The following CACNA2D3 variants were observed in gnomAD, a reference collection of about 807,000 sequenced individuals.
The protein encoded by CACNA2D3 is calcium voltage-gated channel auxiliary subunit alpha2delta 3.
In CACNA2D3, 60 loss-of-function variants were observed where a neutral mutation model predicts 160.6. That is an observed-to-expected ratio of 0.37 (90% confidence interval 0.30 to 0.46). CACNA2D3 has a LOEUF of 0.46. Among genes scored for constraint, CACNA2D3 ranks in the 20% least tolerant of loss-of-function variants. The probability of loss-of-function intolerance (pLI) is 1.00; values close to 1 mark genes in which losing one functional copy is unlikely to be tolerated. For synonymous variants in CACNA2D3, 558 were observed against 492.9 expected (o/e 1.13, Z -1.75); for missense variants, 1,205 against 1,365.0 (o/e 0.88, Z 1.85).
At position 54,495,498 on chromosome 3, in the gene CACNA2D3, C is replaced by T. The variant is rs148489097; in HGVS notation, c.382-7994C>T. On this transcript the variant is annotated intron_variant, in intron 4 of 37. Coordinates refer to ENST00000474759, the MANE Select transcript of CACNA2D3 (RefSeq NM_018398.3). ...GTGCAGTGGCTCATACCTGTAATCC[C>T]AGCACTTTGGGAGGCTGAAGAGGGC... Among the ~76,000 whole-genome samples, 550 of 152,238 alleles carry T rather than the reference C, an allele frequency of 3.6e-3. 7 individuals are homozygous for T. The highest frequency in any genetic ancestry group is 0.012 in the African/African-American group (518 of 41,536).
chr3:54,625,426 T>C (rs1034127198), intron 9 of CACNA2D3, among the ~76,000 whole-genome samples: 3 of 152,240 alleles, frequency 2.0e-5, no homozygotes, highest in African/African-American at 7.2e-5. Flanking sequence ...GACACAGTTC[T>C]CAGTCTATCT....
intron 4 of CACNA2D3, among the ~76,000 whole-genome samples, chr3:54,450,779 A>G (rs76460182): frequency 6.6e-6 from 1 of 152,112 alleles, no homozygotes; most frequent in Non-Finnish European, 1.5e-5. Flanking sequence ...TAAAGGAACT[A>G]AGACAATCTC....
chr3:54,505,897 G>C (rs1701361128), intron 5 of CACNA2D3, among the ~76,000 whole-genome samples: 1 of 152,174 alleles, frequency 6.6e-6, no homozygotes, highest in African/African-American at 2.4e-5. Context: ...ATGATTCCTA[G>C]ACAGAATCTT....
intron 27 of CACNA2D3, among the ~76,000 whole-genome samples, chr3:54,905,790 G>C (rs1217491562): frequency 6.6e-6 from 1 of 152,186 alleles, no homozygotes; most frequent in Non-Finnish European, 1.5e-5. Context: ...TCACATGTCA[G>C]TAGTGCTGAG....
intron 11 of CACNA2D3, among the ~76,000 whole-genome samples, chr3:54,696,346 C>A (rs535591907): frequency 6.6e-6 from 1 of 152,256 alleles, no homozygotes; most frequent in African/African-American, 2.4e-5. Flanking sequence ...CAGGAGGAGT[C>A]TGCTTCCTAC....
intron 9 of CACNA2D3, among the ~76,000 whole-genome samples, chr3:54,585,923 A>T (rs970685790): frequency 4.6e-5 from 7 of 151,660 alleles, no homozygotes; most frequent in African/African-American, 7.3e-5. Flanking sequence ...GGATTAAAAA[A>T]ACACAAACAA....
chr3:54,253,242 T>C (rs749653061), intron 2 of CACNA2D3, among the ~76,000 whole-genome samples: 1 of 152,172 alleles, frequency 6.6e-6, no homozygotes, highest in Non-Finnish European at 1.5e-5. Flanking sequence ...TAGTGTGTTC[T>C]CACCTTGCTA....
chr3:54,140,973 G>A (rs1699914790), intron 2 of CACNA2D3, among the ~76,000 whole-genome samples: 1 of 152,138 alleles, frequency 6.6e-6, no homozygotes, highest in African/African-American at 2.4e-5. Context: ...CCTCAGCCAT[G>A]ACTATAAGCT....
chr3:54,545,489 G>A (rs1325210376), intron 5 of CACNA2D3, among the ~76,000 whole-genome samples: 1 of 152,148 alleles, frequency 6.6e-6, no homozygotes, highest in Non-Finnish European at 1.5e-5. Flanking sequence ...TTTGCAGCAT[G>A]TAATCTGCTG....
intron 4 of CACNA2D3, among the ~76,000 whole-genome samples, chr3:54,476,262 A>G (rs1052415377): frequency 3.4e-5 from 5 of 149,202 alleles, no homozygotes; most frequent in Admixed American, 1.3e-4. Context: ...GTGTGTGTGT[A>G]TATATATATA....
At chr3:54,475,615 A>G (rs1001808958) in intron 4 of CACNA2D3, among the ~76,000 whole-genome samples, 1 of 152,134 alleles carries the variant, frequency 6.6e-6, no homozygotes, top group Non-Finnish European at 1.5e-5. Flanking sequence ...GTCTCTGCCT[A>G]TAATGCTGTC....
chr3:54,265,427 C>G (rs1036367072), intron 2 of CACNA2D3, among the ~76,000 whole-genome samples: 2 of 151,866 alleles, frequency 1.3e-5, no homozygotes, highest in Admixed American at 6.6e-5. Flanking sequence ...AGGGAAATAC[C>G]TAATGTAGAT....
intron 27 of CACNA2D3, among the ~76,000 whole-genome samples, chr3:54,934,221 A>G (rs1373958122): frequency 6.6e-6 from 1 of 152,204 alleles, no homozygotes; most frequent in Non-Finnish European, 1.5e-5. Context: ...AGTTGTATTC[A>G]TTTTATGCCC....
intron 4 of CACNA2D3, among the ~76,000 whole-genome samples, chr3:54,486,188 A>G (rs11927369): frequency 0.08 from 12,132 of 152,230 alleles, 621 homozygotes; most frequent in Middle Eastern, 0.13. Flanking sequence ...AGGTGAGAGA[A>G]CTTTGCCCAG....
intron 11 of CACNA2D3, among the ~76,000 whole-genome samples, chr3:54,742,506 A>G (rs1197428263): frequency 1.3e-5 from 2 of 152,194 alleles, no homozygotes; most frequent in Non-Finnish European, 2.9e-5. Flanking sequence ...GATTCTCAAT[A>G]TGGGGGTATC....
At chr3:54,554,868 C>CTTTTTTTTTTTTTTTTTTTTTTTTTTT (rs1248489904) in intron 5 of CACNA2D3, among the ~76,000 whole-genome samples, 1 of 88,172 alleles carries the variant, frequency 1.1e-5, no homozygotes, top group African/African-American at 5.0e-5. Context: ...CTCTCTCACT[C>CTTTTTTTTTTTTTTTTTTTTTTTTTTT]TCTTTTTTTT....
At chr3:54,406,939 T>C (rs1164573157) in intron 4 of CACNA2D3, among the ~76,000 whole-genome samples, 1 of 152,138 alleles carries the variant, frequency 6.6e-6, no homozygotes, top group Non-Finnish European at 1.5e-5. Context: ...GCAATAACAT[T>C]TATTTTTTAA....
chr3:54,314,188 G>C (rs1703811808), intron 2 of CACNA2D3, among the ~76,000 whole-genome samples: 1 of 152,152 alleles, frequency 6.6e-6, no homozygotes. Flanking sequence ...ACTGCACTTA[G>C]AAAAATGGTC....
chr3:54,650,606 C>T (rs1428859867), intron 11 of CACNA2D3, among the ~76,000 whole-genome samples: 1 of 152,164 alleles, frequency 6.6e-6, no homozygotes, highest in East Asian at 1.9e-4. Context: ...GTCAAGTGAT[C>T]CACCTGCCTC....
Sources: gnomAD v4.1 joint callset for allele counts (sites outside exome capture counted in the v4.1 genomes callset) on GRCh38, gnomAD v4.1.1 for gene constraint, MANE v1.5 for transcripts, NCBI Gene and HGNC (gene_info 2026-07-23, HGNC 2026-07-21) for gene names.